Variants in PLCXD3 observed in about 807,000 individuals in gnomAD.
The protein encoded by PLCXD3 is phosphatidylinositol specific phospholipase C X domain containing 3.
A neutral mutation model predicts 25.5 loss-of-function variants in PLCXD3; 19 were observed. That is an observed-to-expected ratio of 0.75 (90% confidence interval 0.52 to 1.09). The LOEUF is 1.09. PLCXD3 is among the 50% of genes least tolerant of loss of function. The probability of loss-of-function intolerance (pLI) is 0.00; values close to 1 mark genes in which losing one functional copy is unlikely to be tolerated. For synonymous variants in PLCXD3, 174 were observed against 137.6 expected (o/e 1.26, Z -1.85); for missense variants, 411 against 388.1 (o/e 1.06, Z -0.50).
chr5:41,417,935 T>C (rs1328293861), intron 1 of PLCXD3, among the ~76,000 whole-genome samples: 1 of 152,256 alleles, frequency 6.6e-6, no homozygotes, highest in East Asian at 1.9e-4. Context: ...TCATGTGTTA[T>C]CTTATTTCAC....
At chr5:41,410,904 C>A (rs886778320) in intron 1 of PLCXD3, among the ~76,000 whole-genome samples, 1 of 152,170 alleles carries the variant, frequency 6.6e-6, no homozygotes. Context: ...CCTTCTCCCC[C>A]GATTTCTCCA....
chr5:41,394,858 G>A (rs1363163824), intron 1 of PLCXD3, among the ~76,000 whole-genome samples: 1 of 152,012 alleles, frequency 6.6e-6, no homozygotes, highest in Non-Finnish European at 1.5e-5. Flanking sequence ...AAAGATATAG[G>A]CCCCAATACA....
chr5:41,391,407 G>T (rs1561256961), intron 1 of PLCXD3, among the ~76,000 whole-genome samples: 1 of 152,144 alleles, frequency 6.6e-6, no homozygotes, highest in Non-Finnish European at 1.5e-5. Flanking sequence ...AGAGTCATGA[G>T]GTCCCCATTT....
rs767438397 is a variant in PLCXD3, at chr5:41,381,914, A to G, written c.724T>C (p.Phe242Leu). The G allele has an allele frequency of 6.2e-7, 1 of 1,613,252 alleles. No homozygotes were observed. Among genetic ancestry groups the G allele is most frequent in the Non-Finnish European group, 8.5e-7 (1 of 1,179,656 alleles). Residue 242 changes from phenylalanine to leucine, a missense_variant, in exon 2 of 3, where the codon TTT (phenylalanine) becomes CTT (leucine). Phe to Leu is a conservative substitution (Grantham distance 22, BLOSUM62 0). Coordinates refer to ENST00000377801, the MANE Select transcript of PLCXD3 (RefSeq NM_001005473.3). The stretch of plus-strand genomic sequence containing the variant: ...GTCAGCACCACCTGAGATATAAAAA[A>G]CGATCCCTTCTTTCTTCTCTCAGTG... Reference protein sequence around the residue: ...SITERRKKGSFFISQVVLTPK... With the variant: ...SITERRKKGSLFISQVVLTPK...
chr5:41,410,190 A>G (rs1746476700), intron 1 of PLCXD3, among the ~76,000 whole-genome samples: 1 of 142,784 alleles, frequency 7.0e-6, no homozygotes. Context: ...CCCAGGCTGG[A>G]GTACAGTGGC....
At chr5:41,390,119 G>T (rs116442667) in intron 1 of PLCXD3, among the ~76,000 whole-genome samples, 1,783 of 152,166 alleles carry the variant, frequency 0.012, 40 homozygotes, top group African/African-American at 0.041. Context: ...ACTTTCTTCA[G>T]TCTGGCTTCT....
At chr5:41,411,652 CATG>C (rs1158463125) in intron 1 of PLCXD3, among the ~76,000 whole-genome samples, 2 of 151,978 alleles carry the variant, frequency 1.3e-5, no homozygotes, top group Non-Finnish European at 2.9e-5. Flanking sequence ...CTTCATGCTA[CATG>C]ATATTTGGTC....
At chr5:41,502,688 C>A (rs192676330) in intron 1 of PLCXD3, among the ~76,000 whole-genome samples, 1 of 152,094 alleles carries the variant, frequency 6.6e-6, no homozygotes. Context: ...TCACCCAAAC[C>A]GCGTAATTTC....
chr5:41,423,081 TTTTC>T (rs1222884500), intron 1 of PLCXD3, among the ~76,000 whole-genome samples: 2 of 152,132 alleles, frequency 1.3e-5, no homozygotes, highest in African/African-American at 4.8e-5. Flanking sequence ...TCAAATTATT[TTTTC>T]TTTTTTTATC....
At chr5:41,321,461 T>C (rs542739320) in intron 2 of PLCXD3, among the ~76,000 whole-genome samples, 1 of 152,342 alleles carries the variant, frequency 6.6e-6, no homozygotes, top group South Asian at 2.1e-4. Flanking sequence ...TATACCATGT[T>C]TATAGATTGA....
At chr5:41,449,837 T>TG (rs1455399397) in intron 1 of PLCXD3, among the ~76,000 whole-genome samples, 2 of 151,986 alleles carry the variant, frequency 1.3e-5, no homozygotes, top group Non-Finnish European at 2.9e-5. Flanking sequence ...GGCATAGGAA[T>TG]GGGGGGCGAG....
chr5:41,461,348 A>C (rs1003363850), intron 1 of PLCXD3, among the ~76,000 whole-genome samples: 1 of 152,016 alleles, frequency 6.6e-6, no homozygotes, highest in Admixed American at 6.6e-5. Context: ...ACTAAAGATC[A>C]GAAAATTATC....
At chr5:41,363,016 G>T (rs970916654) in intron 2 of PLCXD3, among the ~76,000 whole-genome samples, 4 of 152,074 alleles carry the variant, frequency 2.6e-5, no homozygotes, top group Non-Finnish European at 2.9e-5. Flanking sequence ...TATGTCCATA[G>T]AAACTGTCAT....
At chr5:41,400,774 T>A (rs777982749) in intron 1 of PLCXD3, among the ~76,000 whole-genome samples, 15 of 152,048 alleles carry the variant, frequency 9.9e-5, no homozygotes, top group Non-Finnish European at 2.2e-4. Flanking sequence ...GACCCACTAT[T>A]TGATAGCACA....
chr5:41,379,616 G>T (rs201947300), intron 2 of PLCXD3, among the ~76,000 whole-genome samples: 1 of 152,064 alleles, frequency 6.6e-6, no homozygotes, highest in African/African-American at 2.4e-5. Flanking sequence ...TATAGATGTT[G>T]TCAGGGGCTG....
intron 1 of PLCXD3, among the ~76,000 whole-genome samples, chr5:41,498,188 T>G (rs1253495936): frequency 1.3e-5 from 2 of 151,434 alleles, no homozygotes; most frequent in Non-Finnish European, 3.0e-5. Context: ...TCATAAAGAT[T>G]AGAGCAGAAA....
At chr5:41,347,110 G>T (rs1744321267) in intron 2 of PLCXD3, among the ~76,000 whole-genome samples, 1 of 152,132 alleles carries the variant, frequency 6.6e-6, no homozygotes, top group Non-Finnish European at 1.5e-5. Context: ...GTTCCATTTT[G>T]CATTCCCAAC....
chr5:41,474,519 G>T (rs554978606), intron 1 of PLCXD3, among the ~76,000 whole-genome samples: 1 of 152,238 alleles, frequency 6.6e-6, no homozygotes, highest in Admixed American at 6.5e-5. Flanking sequence ...AAAGGCAATT[G>T]AAAAATGTGC....
chr5:41,425,467 G>A (rs1746933736), intron 1 of PLCXD3, among the ~76,000 whole-genome samples: 1 of 152,126 alleles, frequency 6.6e-6, no homozygotes, highest in Non-Finnish European at 1.5e-5. Flanking sequence ...TGATGAACCT[G>A]TATTGACACC....
Sources: allele counts gnomAD v4.1 joint callset (sites outside exome capture counted in the v4.1 genomes callset), GRCh38; gene constraint gnomAD v4.1.1; transcripts MANE v1.5; gene names NCBI Gene and HGNC (gene_info 2026-07-23, HGNC 2026-07-21).